Variants in RAPGEF6 observed in about 807,000 individuals in gnomAD.
The protein encoded by RAPGEF6 is PDZ domain containing guanine nucleotide exchange factor (GEF) 2.
In RAPGEF6, 56 loss-of-function variants were observed where a neutral mutation model predicts 171.4. The ratio of observed to expected loss-of-function variants is 0.33; its 90% CI spans 0.26 to 0.41. RAPGEF6 has a LOEUF of 0.41. Among genes scored for constraint, RAPGEF6 ranks in the 10% least tolerant of loss-of-function variants. The pLI is 1.00. For missense variants in RAPGEF6, 1,674 were observed against 1,921.4 expected, an observed-to-expected ratio of 0.87 and a Z score of 2.41; for synonymous variants, 692 against 650.1, an observed-to-expected ratio of 1.06 and a Z score of -0.98.
intron 6 of RAPGEF6, among the ~76,000 whole-genome samples, chr5:131,539,002 A>C (rs1341993616): frequency 3.9e-5 from 6 of 152,224 alleles, no homozygotes; most frequent in Admixed American, 3.9e-4. Context: ...TTTGTTTTTA[A>C]GGTAGAAAGA....
Position 131,429,051 on chromosome 5 carries a change from T to C in RAPGEF6, c.4631A>G (p.Asn1544Ser), listed in dbSNP as rs758105052. 1.9e-6 allele frequency: 3 copies of C among 1,613,712 alleles called. No individual in the cohort carries two copies. Among genetic ancestry groups the C allele is most frequent in the Admixed American group, 1.7e-5 (1 of 60,002 alleles). ...AGCTGGTGGCAGTCTAGAGAGGCTG[T>C]TATGCATCATCTTTGACCTCTGCAC... ...VAVQRSKMMH[N>S]SLSRLPPASL... is the part of the protein sequence containing the mutation. Residue 1544 changes from asparagine (N) to serine (S), a missense_variant, in exon 27 of 28, where the codon AAC becomes AGC. This residue lies in a region of RAPGEF6 where 552 missense variants were observed against 574.2 expected (regional missense o/e 0.96). Coordinates refer to ENST00000509018, the MANE Select transcript of RAPGEF6 (RefSeq NM_016340.6).
rs1764442857 is a variant in RAPGEF6, at chr5:131,604,658, C to T, written c.105G>A (p.Met35Ile). Residue 35 changes from methionine (M) to isoleucine (I), a missense_variant, in exon 2 of 28, where the codon ATG becomes ATA. Met to Ile is a conservative substitution (Grantham distance 10, BLOSUM62 1). Coordinates refer to ENST00000509018, the MANE Select transcript of RAPGEF6 (RefSeq NM_016340.6). Reference protein sequence around the residue: ...LNTIYSYLHGMEILSNLREHQ... With the variant: ...LNTIYSYLHGIEILSNLREHQ... ...GTTCCCTGAGATTTGATAATATTTCCATTCCATGAAGATAAGAATAAATAG... is the reference window on the plus strand; with the variant it reads ...GTTCCCTGAGATTTGATAATATTTCTATTCCATGAAGATAAGAATAAATAG... 1 of 1,611,568 alleles carries T rather than the reference C, an allele frequency of 6.2e-7. No homozygotes were observed. The highest frequency in any genetic ancestry group is 1.3e-5 in the African/African-American group (1 of 74,770).
intron 16 of RAPGEF6, among the ~76,000 whole-genome samples, chr5:131,476,794 A>T (rs1305425385): frequency 6.6e-6 from 1 of 152,208 alleles, no homozygotes; most frequent in Non-Finnish European, 1.5e-5. Flanking sequence ...GGCCTCCCAA[A>T]GTGCTGGGAT....
intron 6 of RAPGEF6, among the ~76,000 whole-genome samples, chr5:131,529,811 T>A (rs1437514628): frequency 4.7e-5 from 7 of 149,712 alleles, no homozygotes; most frequent in Non-Finnish European, 1.0e-4. Flanking sequence ...TGTGGGAGGA[T>A]CCCTTGAGCC....
At chr5:131,462,110 A>C in intron 18 of RAPGEF6, 22 bp from the exon 19 acceptor site, 1 of 1,426,192 alleles carries the variant, frequency 7.0e-7, no homozygotes, top group Non-Finnish European at 9.3e-7. Context: ...AATTTTTTTA[A>C]ATAAATGTAT....
intron 18 of RAPGEF6, 32 bp downstream of exon 18, chr5:131,464,009 A>T (rs1754138475): frequency 1.3e-6 from 2 of 1,533,088 alleles, no homozygotes; most frequent in Non-Finnish European, 1.8e-6. Context: ...GCACATCTAC[A>T]AATAAGCACA....
rs201835282 is a variant in RAPGEF6, at chr5:131,514,727, CA to C, written c.628-4237del. On this transcript the variant is annotated intron_variant, in intron 7 of 27. Transcript: ENST00000509018. ...TCTGAAGTAGAGATGAGAAAAAAGC[CA>C]AAAAAAAATTAATAAAGCCTTAGAG... 3.8e-3 allele frequency among the ~76,000 whole-genome samples: 577 copies of C among 150,048 alleles called. 4 individuals carry two copies. Among genetic ancestry groups the C allele is most frequent in the African/African-American group, 0.013 (544 of 40,964 alleles).
intron 6 of RAPGEF6, among the ~76,000 whole-genome samples, chr5:131,528,336 TATACACAC>T (rs1433925978): frequency 0.034 from 838 of 24,482 alleles, 81 homozygotes; most frequent in African/African-American, 0.062. Flanking sequence ...TATATATATA[TATACACAC>T]ACACACACAT....
chr5:131,446,771 TA>T (rs1436150397), intron 21 of RAPGEF6, 68 bp from the exon 22 acceptor site: 7 of 1,403,964 alleles, frequency 5.0e-6, no homozygotes, highest in Non-Finnish European at 6.8e-6. Flanking sequence ...GATTGAAGAT[TA>T]AAAGATTTTG....
intron 1 of RAPGEF6, among the ~76,000 whole-genome samples, chr5:131,615,495 A>T (rs141462674): frequency 4.9e-4 from 74 of 152,368 alleles, no homozygotes; most frequent in African/African-American, 1.7e-3. Flanking sequence ...TGACAGAGTC[A>T]GACTGGAAGT....
chr5:131,436,066 C>T (rs977189479), intron 24 of RAPGEF6: 6 of 1,537,568 alleles, frequency 3.9e-6, no homozygotes, highest in African/African-American at 1.4e-5. Flanking sequence ...TTTGATGTTG[C>T]TTCCAACATC....
chr5:131,591,292 AG>A (rs1290694074), intron 4 of RAPGEF6, among the ~76,000 whole-genome samples: 1 of 152,202 alleles, frequency 6.6e-6, no homozygotes, highest in African/African-American at 2.4e-5. Context: ...GCATACGTTG[AG>A]GCCCTAAAAT....
Position 131,461,701 on chromosome 5 carries a change from T to G in RAPGEF6, c.2864+4A>C, listed in dbSNP as rs756874730. 6.3e-7 allele frequency: 1 copy of G among 1,591,560 alleles called. No homozygotes were observed. Among genetic ancestry groups the G allele is most frequent in the South Asian group, 1.1e-5 (1 of 89,474 alleles). Reference sequence around the variant, plus strand: ...GACATTTGTACCTATTTGTACCAACTTACCTTATTATTGCAAACATGGAAT... The same window carrying G: ...GACATTTGTACCTATTTGTACCAACGTACCTTATTATTGCAAACATGGAAT... On this transcript the variant is annotated splice_donor_region_variant and intron_variant, in intron 19 of 27. Transcript: ENST00000509018.
At chr5:131,521,665 T>C in intron 6 of RAPGEF6, 144 bp from the exon 7 acceptor site, 1 of 643,744 alleles carries the variant, frequency 1.6e-6, no homozygotes, top group Non-Finnish European at 2.4e-6. Context: ...AAAAGATCTT[T>C]TGAAATAAGA....
chr5:131,634,245 C>A (rs1766492582), intron 1 of RAPGEF6, among the ~76,000 whole-genome samples: 1 of 152,154 alleles, frequency 6.6e-6, no homozygotes, highest in African/African-American at 2.4e-5. Flanking sequence ...TCAAGGAAAA[C>A]CTTCCCCAAA....
intron 13 of RAPGEF6, among the ~76,000 whole-genome samples, chr5:131,494,814 G>A (rs201267738): frequency 6.6e-6 from 1 of 152,104 alleles, no homozygotes; most frequent in East Asian, 1.9e-4. Context: ...AAAAAGAAAT[G>A]GCTGAGAGAG....
intron 4 of RAPGEF6, among the ~76,000 whole-genome samples, chr5:131,591,458 T>C (rs1370156363): frequency 6.6e-6 from 1 of 152,202 alleles, no homozygotes; most frequent in Non-Finnish European, 1.5e-5. Context: ...AGAACTAGCT[T>C]ATGCTATGAA....
chr5:131,511,015 C>T (rs1322435747), intron 7 of RAPGEF6, among the ~76,000 whole-genome samples: 1 of 151,924 alleles, frequency 6.6e-6, no homozygotes, highest in Non-Finnish European at 1.5e-5. Flanking sequence ...TAAAATAGAC[C>T]CATCGTAAAG....
At chr5:131,491,336 G>A (rs773920344) in intron 14 of RAPGEF6, among the ~76,000 whole-genome samples, 2 of 152,172 alleles carry the variant, frequency 1.3e-5, no homozygotes, top group Non-Finnish European at 2.9e-5. Flanking sequence ...GTTCTAGAGT[G>A]TAGAACCTTT....
Sources: gnomAD v4.1 joint callset for allele counts (sites outside exome capture counted in the v4.1 genomes callset) on GRCh38, gnomAD v4.1.1 for gene constraint, gnomAD v4.1.1 regional missense constraint, MANE v1.5 for transcripts, NCBI Gene and HGNC (gene_info 2026-07-23, HGNC 2026-07-21) for gene names.